The following HUWE1 variants were observed in gnomAD, a reference collection of about 807,000 sequenced individuals.
HUWE1 encodes the protein HECT, UBA and WWE domain containing E3 ubiquitin protein ligase 1.
Under a neutral mutation model 299.4 loss-of-function variants are expected in HUWE1, and 18 were observed. The observed-to-expected ratio is 0.06, with a 90% CI of 0.04 to 0.09. HUWE1 has a LOEUF of 0.09. Among genes scored for constraint, HUWE1 ranks in the 10% least tolerant of loss-of-function variants. The pLI is 1.00. For synonymous variants in HUWE1, 1,317 were observed against 1,286.1 expected (o/e 1.02, Z -0.51); for missense variants, 1,832 against 3,462.3 (o/e 0.53, Z 11.82).
At chrX:53,535,196 A>G (rs1244932693) in intron 81 of HUWE1, among the ~76,000 whole-genome samples, 188 bp downstream of exon 81, 1 of 111,852 alleles carries the variant, frequency 8.9e-6, no homozygotes, top group Non-Finnish European at 1.9e-5. Context: ...TGGCCTCCCA[A>G]AGTGCTGGGA....
intron 68 of HUWE1, among the ~76,000 whole-genome samples, chrX:53,547,092 A>G (rs1308875268): frequency 1.8e-5 from 2 of 112,329 alleles, no homozygotes; most frequent in African/African-American, 6.5e-5. Context: ...GAGGACTCTT[A>G]TGACTGTAAC....
Position 53,547,934 on chromosome X carries a change from G to C in HUWE1, c.10375C>G (p.Leu3459Val). 1 of 1,211,240 alleles carries C rather than the reference G, an allele frequency of 8.3e-7. No individual in the cohort carries two copies. Among genetic ancestry groups the C allele is most frequent in the Non-Finnish European group, 1.1e-6 (1 of 895,314 alleles). ...TTTTCTGGGAGAGCAATTGAGATGA[G>C]AGAAAGGAGTCTGAGGAGTTTCTCA... ...LTEKLLRLLS[L>V]ISIALPENKV... is the part of the protein sequence containing the mutation. Residue 3459 changes from leucine (L) to valine (V), a missense_variant, in exon 68 of 84, where the codon CTC becomes GTC. Physicochemically the swap from Leu to Val is conservative, Grantham distance 32 (BLOSUM62 1). Around this residue, in one of 15 missense-constraint regions of HUWE1, gnomAD observed 119 missense variants for 124.6 expected, o/e 0.96. Coordinates refer to ENST00000262854, the MANE Select transcript of HUWE1 (RefSeq NM_031407.7).
chrX:53,599,169 T>C (rs1264734660), intron 29 of HUWE1, among the ~76,000 whole-genome samples: 1 of 112,549 alleles, frequency 8.9e-6, no homozygotes, highest in African/African-American at 3.2e-5. Flanking sequence ...CAGAAACCTC[T>C]GAATGCTCCA....
chrX:53,565,477 A>G (rs1288293510), intron 49 of HUWE1, among the ~76,000 whole-genome samples: 1 of 111,637 alleles, frequency 9.0e-6, no homozygotes, highest in Non-Finnish European at 1.9e-5. Context: ...TGGAAAGCAC[A>G]TGAGTAACAA....
At chrX:53,583,454 A>T in intron 42 of HUWE1, 104 bp downstream of exon 42, 1 of 609,284 alleles carries the variant, frequency 1.6e-6, no homozygotes, top group Non-Finnish European at 2.8e-6. Context: ...ATACATATCT[A>T]GCTATATACC....
chrX:53,641,245 G>T (rs971521698), intron 7 of HUWE1, among the ~76,000 whole-genome samples: 15 of 111,283 alleles, frequency 1.3e-4, no homozygotes, highest in Non-Finnish European at 2.8e-4. Flanking sequence ...TGCAAGACTT[G>T]GCTTAATCAT....
intron 7 of HUWE1, among the ~76,000 whole-genome samples, chrX:53,643,441 C>T (rs2067751302): frequency 1.8e-5 from 2 of 110,774 alleles, no homozygotes; most frequent in Admixed American, 1.9e-4. Flanking sequence ...CTTCCGCCTC[C>T]CGGGTTCAAG....
At chrX:53,533,663 A>C in intron 83 of HUWE1, 1 of 440,891 alleles carries the variant, frequency 2.3e-6, no homozygotes. Flanking sequence ...CCATAGGCTA[A>C]AGTGCAAACT....
chrX:53,578,870 C>CT, intron 43 of HUWE1, among the ~76,000 whole-genome samples: 1 of 79,156 alleles, frequency 1.3e-5, no homozygotes, highest in Admixed American at 1.2e-4. Context: ...GTCAGCCCCC[C>CT]GCCCGGCCAG....
Position 53,562,258 on chromosome X carries a change from A to G in HUWE1, c.7205-14T>C. ...TATTCATGGAATCTAAAACAAAGGG[A>G]GCACATTGGAGGACTAAACTGAGTA... On this transcript the variant is annotated splice_polypyrimidine_tract_variant and intron_variant, in intron 53 of 83. Transcript: ENST00000262854. 8.3e-7 allele frequency: 1 copy of G among 1,207,675 alleles called. No individual in the cohort carries two copies. The highest frequency in any genetic ancestry group is 1.1e-6 in the Non-Finnish European group (1 of 893,422).
At chrX:53,661,161 A>C (rs2068986365) in intron 3 of HUWE1, among the ~76,000 whole-genome samples, 1 of 108,339 alleles carries the variant, frequency 9.2e-6, no homozygotes, top group Admixed American at 9.9e-5. Context: ...CAGCCTCCCG[A>C]GTAGCTGGGA....
chrX:53,674,469 A>G (rs1195554062), intron 3 of HUWE1, among the ~76,000 whole-genome samples: 3 of 112,341 alleles, frequency 2.7e-5, no homozygotes, highest in Non-Finnish European at 5.6e-5. Context: ...GGAGGTCATA[A>G]AATCTAGCTC....
intron 43 of HUWE1, among the ~76,000 whole-genome samples, chrX:53,577,691 G>C (rs868978639): frequency 3.1e-5 from 3 of 97,207 alleles, no homozygotes; most frequent in Admixed American, 1.0e-4. Flanking sequence ...ACTGGTTTTC[G>C]TTTTTTTTTT....
At chrX:53,555,515 C>T (rs1365232430) in intron 60 of HUWE1, among the ~76,000 whole-genome samples, 6 of 110,737 alleles carry the variant, frequency 5.4e-5, no homozygotes, top group African/African-American at 2.0e-4. Context: ...TTAGTAGAGA[C>T]AGGGTCTTGC....
rs72620330 is a variant in HUWE1 at position 53,624,478 on chromosome X, T to C, written c.1672+117A>G. On this transcript the variant is annotated intron_variant, in intron 19 of 83. Coordinates refer to ENST00000262854, the MANE Select transcript of HUWE1 (RefSeq NM_031407.7). The stretch of plus-strand genomic sequence containing the variant: ...CGCCACTACACTCCAGCCTGGGCAA[T>C]AGAGTGAGACTCTGTCTCAAAAATA... 6.6e-4 allele frequency: 368 copies of C among 556,600 alleles called. 1 individual carries two copies. The East Asian group carries it at 0.011, about 16-fold the overall frequency. The allele number at this position is 556,600 out of a possible 1,213,427, so 45.9% of individuals were successfully genotyped here.
chrX:53,642,036 A>T (rs189681215), intron 7 of HUWE1, among the ~76,000 whole-genome samples: 1 of 111,445 alleles, frequency 9.0e-6, no homozygotes, highest in East Asian at 2.8e-4. Flanking sequence ...TTTTTTCCCT[A>T]TACATACATA....
intron 7 of HUWE1, among the ~76,000 whole-genome samples, chrX:53,639,616 T>G (rs966221338): frequency 1.8e-5 from 2 of 112,041 alleles, no homozygotes; most frequent in African/African-American, 6.5e-5. Flanking sequence ...GAAGATAATA[T>G]ATAGAGAAGA....
chrX:53,645,494 G>GT (rs1557034937), intron 6 of HUWE1, 31 bp from the exon 7 acceptor site: 1 of 1,199,081 alleles, frequency 8.3e-7, no homozygotes, highest in Admixed American at 2.2e-5. Context: ...AAAGCTCAAG[G>GT]TATCAGGCAC....
rs187943224 is a variant in HUWE1, at chrX:53,652,659, A to G, written c.45+1404T>C. 4.4e-5 allele frequency among the ~76,000 whole-genome samples: 5 copies of G among 112,515 alleles called. No individual in the cohort carries two copies. The East Asian group carries it at 1.1e-3, about 25-fold the overall frequency. On this transcript the variant is annotated intron_variant, in intron 4 of 83. Coordinates refer to ENST00000262854, the MANE Select transcript of HUWE1 (RefSeq NM_031407.7). ...AAAACAAAATCAAAAGCAAATGAAG[A>G]TATTTCCAACAGATATGAAAATGAG... is the stretch of plus-strand genomic sequence containing the variant.
Sources: gnomAD v4.1 joint callset for allele counts (sites outside exome capture counted in the v4.1 genomes callset) on GRCh38, gnomAD v4.1.1 for gene constraint, gnomAD v4.1.1 regional missense constraint, MANE v1.5 for transcripts, NCBI Gene and HGNC (gene_info 2026-07-23, HGNC 2026-07-21) for gene names.